The following ADAMTS12 variants were observed in gnomAD, a reference collection of about 807,000 sequenced individuals.
ADAMTS12 encodes ADAM metallopeptidase with thrombospondin type 1 motif 12.
A neutral mutation model predicts 167.8 loss-of-function variants in ADAMTS12; 118 were observed. That is an observed-to-expected ratio of 0.70 (90% confidence interval 0.61 to 0.82). ADAMTS12 has a LOEUF of 0.82. Among genes scored for constraint, ADAMTS12 ranks in the 40% least tolerant of loss-of-function variants. The pLI, the probability that ADAMTS12 is intolerant of heterozygous loss-of-function variation, is 0.00. For missense variants in ADAMTS12, 1,916 were observed against 1,998.8 expected, an observed-to-expected ratio of 0.96 and a Z score of 0.79; for synonymous variants, 704 against 716.9, an observed-to-expected ratio of 0.98 and a Z score of 0.29.
At chr5:33,846,958 G>A (rs1248565403) in intron 2 of ADAMTS12, among the ~76,000 whole-genome samples, 1 of 152,152 alleles carries the variant, frequency 6.6e-6, no homozygotes, top group Non-Finnish European at 1.5e-5. Context: ...AACAACTGGA[G>A]CTTCTCTTGC....
At chr5:33,718,350 C>T (rs1743685881) in intron 3 of ADAMTS12, among the ~76,000 whole-genome samples, 1 of 152,140 alleles carries the variant, frequency 6.6e-6, no homozygotes, top group Admixed American at 6.5e-5. Flanking sequence ...CTGTTAAGAA[C>T]CAGGCCGCAT....
chr5:33,749,207 G>A (rs1237863508), intron 3 of ADAMTS12, among the ~76,000 whole-genome samples: 1 of 152,138 alleles, frequency 6.6e-6, no homozygotes, highest in Non-Finnish European at 1.5e-5. Context: ...ACTGACTGGG[G>A]AGGGAATACC....
Position 33,827,892 on chromosome 5 carries a change from T to A in ADAMTS12, c.489+53227A>T, listed in dbSNP as rs932088176. 7.9e-5 allele frequency among the ~76,000 whole-genome samples: 12 copies of A among 152,308 alleles called. 1 individual carries two copies. The highest frequency in any genetic ancestry group is 1.9e-4 in the East Asian group (1 of 5,184). ...CATCTATCCATTTGCTGTGGGCATA[T>A]CTAGTGGGTTCCTTCTAACTGCTAC... On this transcript the variant is annotated intron_variant, in intron 2 of 23. Transcript: ENST00000504830.
intron 19 of ADAMTS12, among the ~76,000 whole-genome samples, chr5:33,573,539 C>G (rs1243527765): frequency 6.6e-6 from 1 of 152,106 alleles, no homozygotes; most frequent in Non-Finnish European, 1.5e-5. Context: ...AACTGGCTAG[C>G]CATATGTAGA....
intron 2 of ADAMTS12, among the ~76,000 whole-genome samples, chr5:33,823,109 AAAGAAAAAG>A: frequency 6.8e-6 from 1 of 147,022 alleles, no homozygotes; most frequent in Non-Finnish European, 1.5e-5. Context: ...AAAAAAAAAG[AAAGAAAAAG>A]AAAAGAAATA....
intron 3 of ADAMTS12, among the ~76,000 whole-genome samples, chr5:33,711,426 T>C (rs1010713368): frequency 2.6e-5 from 4 of 152,128 alleles, no homozygotes; most frequent in African/African-American, 9.7e-5. Context: ...TTTGGAACCA[T>C]AAGTGGCTCA....
chr5:33,813,473 C>G (rs1467998031), intron 2 of ADAMTS12, among the ~76,000 whole-genome samples: 1 of 152,202 alleles, frequency 6.6e-6, no homozygotes, highest in Admixed American at 6.5e-5. Flanking sequence ...TCCCCATACA[C>G]TCTGAGTGGT....
intron 14 of ADAMTS12, among the ~76,000 whole-genome samples, chr5:33,622,726 T>A (rs1028975204): frequency 7.9e-6 from 1 of 127,204 alleles, no homozygotes; most frequent in Non-Finnish European, 1.9e-5. Flanking sequence ...TAACTTTTTA[T>A]AAGTAAGTAA....
Position 33,891,717 on chromosome 5 carries a change from A to G in ADAMTS12, c.127+13T>C. 1 of 1,613,786 alleles carries G rather than the reference A, an allele frequency of 6.2e-7. No homozygotes were observed. The highest frequency in any genetic ancestry group is 1.1e-5 in the South Asian group (1 of 91,006). On this transcript the variant is annotated intron_variant, in intron 1 of 23. Coordinates refer to ENST00000504830, the MANE Select transcript of ADAMTS12 (RefSeq NM_030955.4). Reference sequence around the variant, plus strand: ...ACCACTGTTTTAAAAAGAAATAAAGAAGAGTCACTAACCTTGCCTCCTGTC... The same window carrying G: ...ACCACTGTTTTAAAAAGAAATAAAGGAGAGTCACTAACCTTGCCTCCTGTC...
chr5:33,842,422 A>G (rs770713335), intron 2 of ADAMTS12, among the ~76,000 whole-genome samples: 16 of 152,316 alleles, frequency 1.1e-4, no homozygotes, highest in South Asian at 4.2e-4. Context: ...TGGCTCCAGT[A>G]TAAGAAAATC....
intron 2 of ADAMTS12, among the ~76,000 whole-genome samples, chr5:33,765,669 T>G (rs1016384526): frequency 2.0e-5 from 3 of 152,272 alleles, no homozygotes; most frequent in Admixed American, 6.5e-5. Flanking sequence ...ATGAAGAGCA[T>G]TCTTAAGCAG....
At chr5:33,709,942 T>C (rs1743334119) in intron 3 of ADAMTS12, among the ~76,000 whole-genome samples, 1 of 152,134 alleles carries the variant, frequency 6.6e-6, no homozygotes, top group South Asian at 2.1e-4. Flanking sequence ...TGAAAAAATG[T>C]AGTAGAGTAA....
At chr5:33,596,127 G>A (rs1737851779) in intron 16 of ADAMTS12, 67 bp from the exon 17 acceptor site, 2 of 1,570,200 alleles carry the variant, frequency 1.3e-6, no homozygotes, top group South Asian at 1.2e-5. Context: ...GTCAGGTGAG[G>A]TACCTGACCA....
chr5:33,831,278 T>C (rs749590044), intron 2 of ADAMTS12, among the ~76,000 whole-genome samples: 25 of 152,200 alleles, frequency 1.6e-4, no homozygotes, highest in Admixed American at 2.6e-4. Context: ...GTGAGGCATA[T>C]AGAGATTGAA....
intron 7 of ADAMTS12, 118 bp downstream of exon 7, chr5:33,658,066 G>C: frequency 7.7e-7 from 1 of 1,295,706 alleles, no homozygotes; most frequent in Non-Finnish European, 1.1e-6. Context: ...TGAGTCACAA[G>C]CCACAGTATA....
intron 2 of ADAMTS12, among the ~76,000 whole-genome samples, chr5:33,802,873 T>C (rs2112475015): frequency 6.6e-6 from 1 of 152,310 alleles, no homozygotes; most frequent in East Asian, 1.9e-4. Context: ...GGGACCTATT[T>C]GCGGCAAAAG....
chr5:33,871,229 G>A (rs565578597), intron 2 of ADAMTS12, among the ~76,000 whole-genome samples: 2 of 152,230 alleles, frequency 1.3e-5, no homozygotes, highest in South Asian at 2.1e-4. Flanking sequence ...CCAAAAGGAA[G>A]TCTCTAGGCC....
rs369036964 is a variant in ADAMTS12 at position 33,578,186 on chromosome 5, G to T, written c.2866-1026C>A. Among the ~76,000 whole-genome samples the T allele has an allele frequency of 1.6e-4, 24 of 152,274 alleles. No homozygotes were observed. The South Asian group carries it at 5.0e-3, about 32-fold the overall frequency. On this transcript the variant is annotated intron_variant, in intron 18 of 23. Transcript: ENST00000504830. The stretch of plus-strand genomic sequence containing the variant: ...CTGGTCATTTTACATTTCTCTGTCA[G>T]GTATCCCTGACCTCAAAGCACATTT...
At chr5:33,788,700 C>T (rs377424867) in intron 2 of ADAMTS12, among the ~76,000 whole-genome samples, 27 of 152,264 alleles carry the variant, frequency 1.8e-4, no homozygotes, top group African/African-American at 5.1e-4. Flanking sequence ...GAGAAAGAGA[C>T]GGGCTATTCA....
Sources: gnomAD v4.1 joint callset for allele counts (sites outside exome capture counted in the v4.1 genomes callset) on GRCh38, gnomAD v4.1.1 for gene constraint, MANE v1.5 for transcripts, NCBI Gene and HGNC (gene_info 2026-07-23, HGNC 2026-07-21) for gene names.